Variants in PALM2AKAP2 observed in about 807,000 individuals in gnomAD.
PALM2AKAP2 encodes the protein PALM2 and AKAP2 fusion, also known as PALM2-AKAP2 fusion protein.
A neutral mutation model predicts 71.5 loss-of-function variants in PALM2AKAP2; 37 were observed. The ratio of observed to expected loss-of-function variants is 0.52; its 90% confidence interval spans 0.40 to 0.68. The LOEUF (loss-of-function observed/expected upper bound fraction) is 0.68, where lower values mean the gene tolerates loss of function less well. Among genes scored for constraint, PALM2AKAP2 ranks in the 30% least tolerant of loss-of-function variants. The probability of loss-of-function intolerance (pLI) is 0.00; values close to 1 mark genes in which losing one functional copy is unlikely to be tolerated. For missense variants in PALM2AKAP2, 1,224 were observed against 1,191.8 expected (o/e 1.03, Z -0.40); for synonymous variants, 468 against 478.8 (o/e 0.98, Z 0.29).
At chr9:109,678,298 G>A (rs560634278) in intron 1 of PALM2AKAP2, among the ~76,000 whole-genome samples, 1 of 152,294 alleles carries the variant, frequency 6.6e-6, no homozygotes, top group African/African-American at 2.4e-5. Flanking sequence ...CATGTAATAG[G>A]TACTAAATAC....
chr9:109,767,021 ATG>A (rs1829165228), intron 1 of PALM2AKAP2, among the ~76,000 whole-genome samples: 1 of 135,936 alleles, frequency 7.4e-6, no homozygotes, highest in Non-Finnish European at 1.5e-5. Flanking sequence ...GGGGATTTAC[ATG>A]GATTATCTAC....
chr9:109,940,644 C>T (rs1054448845), intron 6 of PALM2AKAP2, among the ~76,000 whole-genome samples: 1 of 152,030 alleles, frequency 6.6e-6, no homozygotes, highest in African/African-American at 2.4e-5. Context: ...TGGGCTAGAT[C>T]TCTAGAAGTT....
intron 1 of PALM2AKAP2, among the ~76,000 whole-genome samples, chr9:109,694,425 AAAC>A (rs1827939048): frequency 6.6e-6 from 1 of 152,118 alleles, no homozygotes; most frequent in Non-Finnish European, 1.5e-5. Flanking sequence ...GGGGAAATAT[AAAC>A]AACAACCACT....
intron 1 of PALM2AKAP2, among the ~76,000 whole-genome samples, chr9:109,755,981 A>T (rs1394756101): frequency 1.3e-5 from 2 of 152,146 alleles, no homozygotes; most frequent in Non-Finnish European, 2.9e-5. Flanking sequence ...ATCACTGCAC[A>T]TGATGGTTTG....
intron 3 of PALM2AKAP2, among the ~76,000 whole-genome samples, chr9:109,908,222 T>G (rs562960444): frequency 2.0e-5 from 3 of 152,088 alleles, no homozygotes; most frequent in Non-Finnish European, 2.9e-5. Context: ...AGGGGTGGAG[T>G]GACAGGAGCT....
intron 6 of PALM2AKAP2, among the ~76,000 whole-genome samples, chr9:110,007,280 A>T (rs1035933627): frequency 2.0e-5 from 3 of 152,146 alleles, no homozygotes; most frequent in Non-Finnish European, 2.9e-5. Context: ...TGAGCCAATC[A>T]ATCCTCTGTT....
At chr9:109,651,065 T>C (rs991585888) in intron 1 of PALM2AKAP2, among the ~76,000 whole-genome samples, 31 of 152,310 alleles carry the variant, frequency 2.0e-4, no homozygotes, top group African/African-American at 6.5e-4. Context: ...TACCCTTCCC[T>C]GCCTATGTGC....
chr9:110,104,619 A>G lies in PALM2AKAP2; in HGVS notation c.157-31508A>G, dbSNP rs1196054786. On this transcript the variant is annotated intron_variant, in intron 1 of 3. Coordinates refer to ENST00000374525, the Ensembl canonical transcript of PALM2AKAP2. ...AGAATGGGCCAAGCTTAGGAATTCC[A>G]AGAAGGCAGACTCAAGATAGAGGGC... Among the ~76,000 whole-genome samples, 3 of 152,334 alleles carry G rather than the reference A, an allele frequency of 2.0e-5. No homozygotes were observed. The East Asian group carries it at 5.8e-4, about 29-fold the overall frequency.
rs148542017 is a variant in PALM2AKAP2, at chr9:110,023,345, G to A, written c.582+7306G>A. ...TTTTTTTTTTTTGAGATGGAGTTTC[G>A]CTCTTGTCACCCAGGCTGGAGTGCA... On this transcript the variant is annotated intron_variant, in intron 7 of 9. Transcript: ENST00000302798. 2.7e-3 allele frequency among the ~76,000 whole-genome samples: 276 copies of A among 102,894 alleles called. 5 individuals are homozygous for A. The highest frequency in any genetic ancestry group is 0.011 in the East Asian group (36 of 3,366). The allele number at this position is 102,894 out of a possible 152,430, so 67.5% of individuals were successfully genotyped here. A position where few individuals can be genotyped will look rare whatever the true frequency, so the allele number is the denominator to read the frequency against.
In PALM2AKAP2 at chr9:109,936,367, G is replaced by A. The variant is rs1335139206; in HGVS notation, c.496+4339G>A. 2.6e-5 allele frequency among the ~76,000 whole-genome samples: 4 copies of A among 152,140 alleles called. No individual in the cohort carries two copies. The East Asian group carries it at 7.7e-4, about 29-fold the overall frequency. On this transcript the variant is annotated intron_variant, in intron 6 of 9. Coordinates refer to the PALM2AKAP2 transcript ENST00000302798. ...TTTTGAAGTTGGAGATTGTGCTTTCGGATGAGAGGGAGAACCCATTCTGAA... is the reference window on the plus strand; with the variant it reads ...TTTTGAAGTTGGAGATTGTGCTTTCAGATGAGAGGGAGAACCCATTCTGAA...
intron 1 of PALM2AKAP2, among the ~76,000 whole-genome samples, chr9:110,062,842 C>G (rs1374996652): frequency 1.3e-5 from 2 of 152,322 alleles, no homozygotes; most frequent in East Asian, 3.9e-4. Context: ...CTGGGTCACG[C>G]AAACCTGCCT....
chr9:110,092,808 G>C, intron 1 of PALM2AKAP2, among the ~76,000 whole-genome samples: 1 of 152,160 alleles, frequency 6.6e-6, no homozygotes, highest in East Asian at 1.9e-4. Flanking sequence ...CTTGCTTGCT[G>C]TATCAAGGTG....
chr9:110,138,352 G>T, exon 2 of PALM2AKAP2: 1 of 1,614,232 alleles, frequency 6.2e-7, no homozygotes. Flanking sequence ...CTGACGTGAT[G>T]GTTGGGCCTT....
At chr9:109,920,068 G>A (rs550927971) in intron 3 of PALM2AKAP2, among the ~76,000 whole-genome samples, 1 of 152,306 alleles carries the variant, frequency 6.6e-6, no homozygotes, top group East Asian at 1.9e-4. Flanking sequence ...CTGTGGTCCA[G>A]GCTGAAGGGG....
chr9:109,858,532 A>T (rs893109452), intron 1 of PALM2AKAP2, among the ~76,000 whole-genome samples: 75 of 152,148 alleles, frequency 4.9e-4, no homozygotes, highest in Admixed American at 4.8e-3. Context: ...TCACTCAGGG[A>T]GTTCGTGGCA....
At chr9:109,946,010 A>T (rs1434583346) in intron 6 of PALM2AKAP2, 1 of 152,260 alleles carries the variant, frequency 6.6e-6, no homozygotes, top group Non-Finnish European at 1.5e-5. Context: ...AAGATGTGTT[A>T]CCTTTATTCG....
At chr9:110,160,158 A>G (rs757332907) in intron 3 of PALM2AKAP2, among the ~76,000 whole-genome samples, 1 of 148,198 alleles carries the variant, frequency 6.7e-6, no homozygotes, top group Non-Finnish European at 1.5e-5. Context: ...TTGTTCCTCT[A>G]TGAAGATATG....
Position 110,091,359 on chromosome 9 carries a change from T to C in PALM2AKAP2, c.156+42504T>C, listed in dbSNP as rs1356141898. Among the ~76,000 whole-genome samples, 3 of 152,062 alleles carry C rather than the reference T, an allele frequency of 2.0e-5. No individual in the cohort carries two copies. The East Asian group carries it at 5.8e-4, about 29-fold the overall frequency. On this transcript the variant is annotated intron_variant, in intron 1 of 3. Transcript: ENST00000374525. ...TCTGAAATTTACATGTGCTGACTTA[T>C]AATGTGTGTGATCCTCGTTGCTTTT...
At chr9:109,687,594 T>C (rs1311508619) in intron 1 of PALM2AKAP2, among the ~76,000 whole-genome samples, 1 of 152,236 alleles carries the variant, frequency 6.6e-6, no homozygotes, top group Non-Finnish European at 1.5e-5. Context: ...TGATCTGGAT[T>C]AGGCTTTGGC....
Sources: gnomAD v4.1 joint callset for allele counts (sites outside exome capture counted in the v4.1 genomes callset) on GRCh38, gnomAD v4.1.1 for gene constraint, MANE v1.5 for transcripts, NCBI Gene and HGNC (gene_info 2026-07-23, HGNC 2026-07-21) for gene names.